Variants in GRID2 observed in about 807,000 individuals in gnomAD.
The protein encoded by GRID2 is glutamate receptor ionotropic, delta-2.
A neutral mutation model predicts 114.8 loss-of-function variants in GRID2; 33 were observed. The ratio of observed to expected loss-of-function variants is 0.29; its 90% CI spans 0.22 to 0.38. The LOEUF is 0.38. Among genes scored for constraint, GRID2 ranks in the 10% least tolerant of loss-of-function variants. GRID2 has a pLI of 1.00. For missense variants in GRID2, 1,184 were observed against 1,257.7 expected (o/e 0.94, Z 0.89); for synonymous variants, 505 against 449.9 (o/e 1.12, Z -1.55).
chr4:93,141,554 C>A (rs1345526822), intron 4 of GRID2, among the ~76,000 whole-genome samples: 1 of 151,520 alleles, frequency 6.6e-6, no homozygotes, highest in Non-Finnish European at 1.5e-5. Context: ...TTCTTTAAAG[C>A]TTTTGAAAAA....
chr4:92,311,600 A>G (rs1725711380), intron 1 of GRID2, among the ~76,000 whole-genome samples: 2 of 152,106 alleles, frequency 1.3e-5, no homozygotes, highest in South Asian at 4.1e-4. Flanking sequence ...TAAAAGTACT[A>G]TTTTAAAAAA....
At chr4:93,209,056 C>T (rs940267178) in intron 5 of GRID2, among the ~76,000 whole-genome samples, 4 of 151,834 alleles carry the variant, frequency 2.6e-5, no homozygotes, top group African/African-American at 9.7e-5. Context: ...AAAACTTAAT[C>T]TTTTTCAGTG....
chr4:92,907,950 G>C (rs1337744662), intron 2 of GRID2, among the ~76,000 whole-genome samples: 1 of 151,998 alleles, frequency 6.6e-6, no homozygotes, highest in African/African-American at 2.4e-5. Context: ...TTGAATCCGG[G>C]AGGCAGAGGT....
intron 5 of GRID2, among the ~76,000 whole-genome samples, chr4:93,214,303 A>G (rs994654566): frequency 6.6e-6 from 1 of 152,038 alleles, no homozygotes; most frequent in African/African-American, 2.4e-5. Flanking sequence ...TAACATTTTA[A>G]TACACAAGTT....
Position 93,522,830 on chromosome 4 carries a change from A to C in GRID2, c.2193+7419A>C, listed in dbSNP as rs573423799. Among the ~76,000 whole-genome samples, 9 of 152,282 alleles carry C rather than the reference A, an allele frequency of 5.9e-5. No homozygotes were observed. In the South Asian group the frequency reaches 1.5e-3, roughly 25 times the overall value. On this transcript the variant is annotated intron_variant, in intron 13 of 15. Coordinates refer to ENST00000282020, the MANE Select transcript of GRID2 (RefSeq NM_001510.4). ...TTGATGACAAGGGATTTGGTAGCTC[A>C]GGTAGTAGAAAAGACAAAATCTTTG...
At chr4:93,300,606 TGAA>T (rs1754761648) in intron 8 of GRID2, among the ~76,000 whole-genome samples, 1 of 152,108 alleles carries the variant, frequency 6.6e-6, no homozygotes, top group Non-Finnish European at 1.5e-5. Context: ...TATTTGGCCT[TGAA>T]GAACTCCAAA....
chr4:93,806,005 A>G (rs1735021609), intron 1 of GRID2, among the ~76,000 whole-genome samples: 1 of 152,076 alleles, frequency 6.6e-6, no homozygotes, highest in South Asian at 2.1e-4. Context: ...GCTGAGACAT[A>G]AGAATTGCTT....
At chr4:93,003,195 A>G (rs1017158683) in intron 2 of GRID2, among the ~76,000 whole-genome samples, 1 of 151,930 alleles carries the variant, frequency 6.6e-6, no homozygotes, top group Non-Finnish European at 1.5e-5. Flanking sequence ...ACAAACTGCC[A>G]GTCTATAGAA....
chr4:93,125,077 T>C (rs1579057503), intron 4 of GRID2, among the ~76,000 whole-genome samples: 1 of 152,088 alleles, frequency 6.6e-6, no homozygotes, highest in African/African-American at 2.4e-5. Context: ...AGCTAGAGTA[T>C]AGCCAAGATA....
At chr4:92,511,707 T>A (rs1724260030) in intron 1 of GRID2, among the ~76,000 whole-genome samples, 1 of 151,790 alleles carries the variant, frequency 6.6e-6, no homozygotes, top group South Asian at 2.1e-4. Flanking sequence ...AGGAAGGAAA[T>A]TGGAGATAGT....
chr4:92,918,810 C>A (rs535625831), intron 2 of GRID2, among the ~76,000 whole-genome samples: 1 of 152,024 alleles, frequency 6.6e-6, no homozygotes, highest in Non-Finnish European at 1.5e-5. Context: ...GTCTAAAATT[C>A]TCTTTTATTG....
chr4:92,401,833 AC>A (rs1730802818), intron 1 of GRID2, among the ~76,000 whole-genome samples: 1 of 152,248 alleles, frequency 6.6e-6, no homozygotes, highest in African/African-American at 2.4e-5. Context: ...GCATAAGAAA[AC>A]AATGAAGTTT....
At chr4:92,505,257 G>C (rs887032787) in intron 1 of GRID2, among the ~76,000 whole-genome samples, 1 of 151,916 alleles carries the variant, frequency 6.6e-6, no homozygotes, top group Non-Finnish European at 1.5e-5. Flanking sequence ...TTTATTTTCT[G>C]TACTTATAAA....
chr4:92,954,223 A>T (rs1257855959), intron 2 of GRID2, among the ~76,000 whole-genome samples: 1 of 152,010 alleles, frequency 6.6e-6, no homozygotes, highest in East Asian at 1.9e-4. Context: ...ACACACAAAC[A>T]TATACACACA....
chr4:92,319,818 TC>T (rs940158767), intron 1 of GRID2, among the ~76,000 whole-genome samples: 7 of 152,198 alleles, frequency 4.6e-5, no homozygotes, highest in African/African-American at 1.7e-4. Context: ...ATATTTGCTT[TC>T]AAATCTTAGT....
At chr4:93,063,223 TAAATA>T (rs1277992946) in intron 2 of GRID2, among the ~76,000 whole-genome samples, 1 of 151,920 alleles carries the variant, frequency 6.6e-6, no homozygotes, top group African/African-American at 2.4e-5. Context: ...ATTTTAACCT[TAAATA>T]AAAGAGATTG....
intron 2 of GRID2, among the ~76,000 whole-genome samples, chr4:92,850,115 C>G (rs1214037828): frequency 6.6e-6 from 1 of 150,938 alleles, no homozygotes; most frequent in Non-Finnish European, 1.5e-5. Flanking sequence ...TACTATTGAA[C>G]TATTAAAAGA....
At chr4:92,685,107 A>C (rs1380280954) in intron 2 of GRID2, among the ~76,000 whole-genome samples, 1 of 152,088 alleles carries the variant, frequency 6.6e-6, no homozygotes, top group Non-Finnish European at 1.5e-5. Flanking sequence ...TACTCGAGGC[A>C]GCTATTAAAT....
At chr4:93,054,540 CTT>C (rs1008655006) in intron 2 of GRID2, among the ~76,000 whole-genome samples, 65 of 151,824 alleles carry the variant, frequency 4.3e-4, no homozygotes, top group African/African-American at 1.5e-3. Flanking sequence ...ATGTGGTAAA[CTT>C]TTCTATCCCA....
Sources: gnomAD v4.1 joint callset for allele counts (sites outside exome capture counted in the v4.1 genomes callset) on GRCh38, gnomAD v4.1.1 for gene constraint, MANE v1.5 for transcripts, NCBI Gene and HGNC (gene_info 2026-07-23, HGNC 2026-07-21) for gene names.